Variants in RYR2 observed in about 807,000 individuals in gnomAD.
The protein encoded by RYR2 is ryanodine receptor 2.
A neutral mutation model predicts 601.1 loss-of-function variants in RYR2; 227 were observed. The observed-to-expected ratio is 0.38, with a 90% CI of 0.34 to 0.42. The LOEUF (loss-of-function observed/expected upper bound fraction) is 0.42, where lower values mean the gene tolerates loss of function less well. RYR2 is among the 10% of genes least tolerant of loss of function. The probability of loss-of-function intolerance (pLI) is 1.00; values close to 1 mark genes in which losing one functional copy is unlikely to be tolerated. For synonymous variants in RYR2, 2,223 were observed against 2,175.1 expected (o/e 1.02, Z -0.61); for missense variants, 4,646 against 6,156.5 (o/e 0.75, Z 8.21).
chr1:237,209,747 T>G (rs548745992), intron 1 of RYR2, among the ~76,000 whole-genome samples: 1 of 152,084 alleles, frequency 6.6e-6, no homozygotes, highest in Non-Finnish European at 1.5e-5. Context: ...TTTCAGCTAC[T>G]TGGGAGGCTG....
intron 1 of RYR2, among the ~76,000 whole-genome samples, chr1:237,256,216 G>C (rs1264426780): frequency 1.3e-5 from 2 of 152,066 alleles, no homozygotes; most frequent in Non-Finnish European, 2.9e-5. Context: ...ATTTTCTCTT[G>C]CCTGCCGCCG....
chr1:237,288,178 T>G (rs941492826), intron 2 of RYR2, among the ~76,000 whole-genome samples: 1 of 152,208 alleles, frequency 6.6e-6, no homozygotes, highest in Non-Finnish European at 1.5e-5. Context: ...TATGAGTCTC[T>G]CAGCTGTGGA....
chr1:237,637,835 T>C (rs909773150), intron 44 of RYR2, among the ~76,000 whole-genome samples: 1 of 152,214 alleles, frequency 6.6e-6, no homozygotes, highest in Non-Finnish European at 1.5e-5. Context: ...GTTTTACACA[T>C]AATCCTGCAG....
intron 58 of RYR2, among the ~76,000 whole-genome samples, chr1:237,668,199 C>A (rs939568027): frequency 6.6e-6 from 1 of 152,160 alleles, no homozygotes; most frequent in Non-Finnish European, 1.5e-5. Context: ...GACTTCTGTA[C>A]TTCTCATCCT....
At chr1:237,514,780 T>G (rs1408957807) in intron 24 of RYR2, among the ~76,000 whole-genome samples, 2 of 152,192 alleles carry the variant, frequency 1.3e-5, no homozygotes, top group Admixed American at 6.5e-5. Context: ...TTCTCCTTAG[T>G]AGAATGAGGA....
intron 4 of RYR2, among the ~76,000 whole-genome samples, chr1:237,356,838 AC>A: frequency 6.6e-6 from 1 of 152,242 alleles, no homozygotes; most frequent in Non-Finnish European, 1.5e-5. Context: ...AGAGTGCAAA[AC>A]AGTGAGGCTT....
intron 25 of RYR2, among the ~76,000 whole-genome samples, chr1:237,534,956 T>C (rs1668451238): frequency 6.6e-6 from 1 of 150,582 alleles, no homozygotes; most frequent in South Asian, 2.1e-4. Context: ...TTACCTCACA[T>C]AATCCCTTTT....
chr1:237,538,407 A>T (rs1668889103), intron 25 of RYR2, among the ~76,000 whole-genome samples: 1 of 146,424 alleles, frequency 6.8e-6, no homozygotes, highest in African/African-American at 2.5e-5. Context: ...AAAAAAAAAA[A>T]AAAAAAAAAA....
intron 2 of RYR2, among the ~76,000 whole-genome samples, chr1:237,295,722 A>G (rs1692697599): frequency 6.6e-6 from 1 of 152,194 alleles, no homozygotes; most frequent in East Asian, 1.9e-4. Context: ...CTTTTAATAT[A>G]TGTGATAGCT....
chr1:237,043,889 A>G (rs1881548), intron 1 of RYR2, among the ~76,000 whole-genome samples: 25,643 of 152,252 alleles, frequency 0.17, 2,898 homozygotes, highest in South Asian at 0.38. Context: ...GGTACTAAAC[A>G]TATGAAAACA....
chr1:237,178,297 A>T (rs1419686308), intron 1 of RYR2, among the ~76,000 whole-genome samples: 1 of 152,044 alleles, frequency 6.6e-6, no homozygotes, highest in East Asian at 1.9e-4. Context: ...TGTCTTTTCC[A>T]TTCTCTTTCC....
At chr1:237,277,380 G>C (rs1037670980) in intron 2 of RYR2, among the ~76,000 whole-genome samples, 1 of 152,192 alleles carries the variant, frequency 6.6e-6, no homozygotes, top group African/African-American at 2.4e-5. Flanking sequence ...ATACATGCCT[G>C]TGTTGGAGGT....
chr1:237,689,259 C>A (rs561151880), intron 63 of RYR2, among the ~76,000 whole-genome samples: 2 of 152,236 alleles, frequency 1.3e-5, no homozygotes, highest in East Asian at 3.9e-4. Flanking sequence ...CAGAGCAAAA[C>A]CCTGTCTCTA....
chr1:237,232,266 C>G (rs1685079204), intron 1 of RYR2, among the ~76,000 whole-genome samples: 1 of 152,150 alleles, frequency 6.6e-6, no homozygotes, highest in Non-Finnish European at 1.5e-5. Context: ...AGCCCCACCC[C>G]CAACACCCCG....
intron 24 of RYR2, among the ~76,000 whole-genome samples, chr1:237,528,055 C>A (rs772715940): frequency 3.3e-5 from 5 of 152,102 alleles, no homozygotes; most frequent in Non-Finnish European, 7.3e-5. Flanking sequence ...TGCTTTTGTT[C>A]AAGTAACCCT....
At chr1:237,612,844 A>G (rs1428339033) in intron 36 of RYR2, among the ~76,000 whole-genome samples, 1 of 152,228 alleles carries the variant, frequency 6.6e-6, no homozygotes, top group African/African-American at 2.4e-5. Flanking sequence ...ATAGATGTGT[A>G]TGTATGTGAA....
At chr1:237,392,970 T>C (rs1200127932) in intron 10 of RYR2, among the ~76,000 whole-genome samples, 1 of 152,178 alleles carries the variant, frequency 6.6e-6, no homozygotes, top group African/African-American at 2.4e-5. Context: ...AGTGGGCATA[T>C]GCGGCAATAA....
intron 46 of RYR2, among the ~76,000 whole-genome samples, chr1:237,640,007 G>T (rs1681303401): frequency 8.1e-6 from 1 of 122,860 alleles, no homozygotes; most frequent in African/African-American, 3.1e-5. Context: ...GCAAGAATGA[G>T]CACTCCCCAC....
chr1:237,569,811 T>C (rs1672474836), intron 29 of RYR2, among the ~76,000 whole-genome samples: 1 of 152,138 alleles, frequency 6.6e-6, no homozygotes, highest in Admixed American at 6.5e-5. Flanking sequence ...CAGTTTCTGT[T>C]TAGTGGCTAA....
Sources: allele counts gnomAD v4.1 joint callset (sites outside exome capture counted in the v4.1 genomes callset), GRCh38; gene constraint gnomAD v4.1.1; transcripts MANE v1.5; gene names NCBI Gene and HGNC (gene_info 2026-07-23, HGNC 2026-07-21).